DDX19A: variants seen among roughly 807,000 people sequenced by gnomAD.
DDX19A encodes ATP-dependent RNA helicase DDX19A.
In DDX19A, 12 loss-of-function variants were observed where a neutral mutation model predicts 60.6. The observed-to-expected ratio is 0.20, with a 90% CI of 0.13 to 0.32. The LOEUF (loss-of-function observed/expected upper bound fraction) is 0.32, where lower values mean the gene tolerates loss of function less well. Among genes scored for constraint, DDX19A ranks in the 10% least tolerant of loss-of-function variants. The probability of loss-of-function intolerance (pLI) is 1.00; values close to 1 mark genes in which losing one functional copy is unlikely to be tolerated. For synonymous variants in DDX19A, 206 were observed against 218.2 expected (o/e 0.94, Z 0.49); for missense variants, 337 against 600.6 (o/e 0.56, Z 4.59).
chr16:70,346,995 G>A lies in DDX19A; in HGVS notation c.4G>A (p.Ala2Thr), dbSNP rs1446282217. The change falls in exon 1 of 12, where the codon GCC becomes ACC. Residue 2 changes from alanine (A) to threonine (T), a missense_variant. Ala to Thr is a moderately conservative substitution (Grantham distance 58, BLOSUM62 0). Coordinates refer to ENST00000302243, the MANE Select transcript of DDX19A (RefSeq NM_018332.5). MATDSWALAVDE... is the reference protein window; with the variant it reads MTTDSWALAVDE... ...TGGGTCTCCCTTGTCCGGGACTATG[G>A]CCACCGACTCGTGGGCCCTGGCGGT... The A allele has an allele frequency of 7.4e-6, 12 of 1,612,378 alleles. No individual in the cohort carries two copies. Among genetic ancestry groups the A allele is most frequent in the Non-Finnish European group, 9.3e-6 (11 of 1,179,734 alleles).
intron 2 of DDX19A, among the ~76,000 whole-genome samples, chr16:70,353,885 AGT>A (rs1044984543): frequency 7.0e-6 from 1 of 141,884 alleles, no homozygotes; most frequent in Non-Finnish European, 1.5e-5. Flanking sequence ...TGGGCAACAG[AGT>A]GAGACTCTGT....
chr16:70,359,506 T>C (rs986520052), intron 4 of DDX19A, among the ~76,000 whole-genome samples: 1 of 152,168 alleles, frequency 6.6e-6, no homozygotes, highest in Non-Finnish European at 1.5e-5. Flanking sequence ...AGAGAGCTGA[T>C]TGTAAATGCA....
chr16:70,357,277 AT>A, intron 4 of DDX19A, among the ~76,000 whole-genome samples: 1 of 137,218 alleles, frequency 7.3e-6, no homozygotes. Flanking sequence ...AAAAATATAT[AT>A]ATATATATAT....
chr16:70,347,333 C>G (rs1963864667), intron 1 of DDX19A: 1 of 482,930 alleles, frequency 2.1e-6, no homozygotes, highest in Admixed American at 3.7e-5. Context: ...TAAGGAAAGC[C>G]AAGTTTAGAT....
intron 4 of DDX19A, among the ~76,000 whole-genome samples, chr16:70,356,577 T>G (rs1158862630): frequency 1.3e-5 from 2 of 151,966 alleles, no homozygotes; most frequent in African/African-American, 4.8e-5. Flanking sequence ...AGGCTGGTCT[T>G]GAACTCCTGA....
In DDX19A at chr16:70,364,634, A is replaced by C; in HGVS notation, c.478A>C (p.Arg160=). The part of the protein sequence containing the change: ...AMLSRVEPSD[R]YPQCLCLSPT... The stretch of plus-strand genomic sequence containing the variant: ...GCTCAGCCGAGTGGAGCCATCAGAC[A>C]GATACCCCCAGGTGAGGGCTTGCGG... Residue 160 remains arginine, a synonymous_variant, in exon 6 of 12, where the codon AGA becomes CGA. Coordinates refer to ENST00000302243, the MANE Select transcript of DDX19A (RefSeq NM_018332.5). 1 of 1,614,094 alleles carries C rather than the reference A, an allele frequency of 6.2e-7. No individual in the cohort carries two copies. Among genetic ancestry groups the C allele is most frequent in the Non-Finnish European group, 8.5e-7 (1 of 1,179,920 alleles).
At chr16:70,348,959 G>A (rs1963934255) in intron 1 of DDX19A, among the ~76,000 whole-genome samples, 1 of 151,942 alleles carries the variant, frequency 6.6e-6, no homozygotes, top group African/African-American at 2.4e-5. Context: ...AAGAAAAAAG[G>A]GAATGGTGAG....
intron 7 of DDX19A, 111 bp downstream of exon 7, chr16:70,365,242 C>A: frequency 1.5e-6 from 1 of 684,142 alleles, no homozygotes; most frequent in Non-Finnish European, 2.6e-6. Context: ...GACCCTGGAG[C>A]CTAACTGTGT....
chr16:70,371,104 T>G, intron 10 of DDX19A: 1 of 601,644 alleles, frequency 1.7e-6, no homozygotes, highest in Non-Finnish European at 2.9e-6. Context: ...GAGCCTACTC[T>G]TCCAGGGGCG....
chr16:70,365,979 C>G, intron 7 of DDX19A, 106 bp from the exon 8 acceptor site: 1 of 1,545,544 alleles, frequency 6.5e-7, no homozygotes. Context: ...GTTTTGAAAT[C>G]TGGAAATAAC....
At chr16:70,355,606 C>T in intron 3 of DDX19A, 71 bp downstream of exon 3, 1 of 1,191,154 alleles carries the variant, frequency 8.4e-7, no homozygotes, top group Non-Finnish European at 1.3e-6. Context: ...GCCAGGGGCA[C>T]TCCAAGCTAC....
At chr16:70,362,015 A>T (rs1009920480) in intron 5 of DDX19A, among the ~76,000 whole-genome samples, 45 of 150,992 alleles carry the variant, frequency 3.0e-4, no homozygotes, top group African/African-American at 9.9e-4. Flanking sequence ...ACTAAAATCA[A>T]AAAAAAAAAA....
chr16:70,371,241 T>C, intron 10 of DDX19A, 131 bp from the exon 11 acceptor site: 1 of 1,522,206 alleles, frequency 6.6e-7, no homozygotes, highest in Non-Finnish European at 9.0e-7. Context: ...CCCTCTCTTG[T>C]ACCCAGAGTT....
intron 4 of DDX19A, among the ~76,000 whole-genome samples, chr16:70,357,638 C>G (rs890198703): frequency 6.6e-6 from 1 of 151,812 alleles, no homozygotes; most frequent in African/African-American, 2.4e-5. Flanking sequence ...CCCGCCTCGG[C>G]CTCCCAAAGT....
At chr16:70,351,594 G>A (rs1046595520) in intron 2 of DDX19A, among the ~76,000 whole-genome samples, 10 of 150,730 alleles carry the variant, frequency 6.6e-5, no homozygotes, top group Non-Finnish European at 1.3e-4. Context: ...GTGTGATCTC[G>A]GCTTACTGCA....
intron 2 of DDX19A, among the ~76,000 whole-genome samples, chr16:70,351,245 G>A (rs111655532): frequency 2.6e-5 from 4 of 151,198 alleles, no homozygotes; most frequent in African/African-American, 4.9e-5. Flanking sequence ...TCACTCTGTC[G>A]TGCAGGCTAG....
In DDX19A at chr16:70,350,365, C is replaced by T. The variant is rs558323535; in HGVS notation, c.58-192C>T. On this transcript the variant is annotated intron_variant, in intron 1 of 11. Coordinates refer to ENST00000302243, the MANE Select transcript of DDX19A (RefSeq NM_018332.5). ...GTCCACCCCTCCCCTTGTTTTAAGG[C>T]TGTTGAAGATATTTGAAATGATGGT... Among the ~76,000 whole-genome samples, 10 of 152,246 alleles carry T rather than the reference C, an allele frequency of 6.6e-5. No homozygotes were observed. The South Asian group carries it at 2.1e-3, about 32-fold the overall frequency.
intron 9 of DDX19A, among the ~76,000 whole-genome samples, chr16:70,369,841 G>T (rs1400340822): frequency 6.6e-6 from 1 of 151,910 alleles, no homozygotes; most frequent in Non-Finnish European, 1.5e-5. Context: ...GAACTCCTGA[G>T]TTCAAGCGAT....
chr16:70,356,792 AT>A (rs986419634), intron 4 of DDX19A: 25 of 971,552 alleles, frequency 2.6e-5, no homozygotes, highest in Non-Finnish European at 3.2e-5. Context: ...GAATTTTTTA[AT>A]GCTTCAAATT....
Sources: allele counts gnomAD v4.1 joint callset (sites outside exome capture counted in the v4.1 genomes callset), GRCh38; gene constraint gnomAD v4.1.1; transcripts MANE v1.5; gene names NCBI Gene and HGNC (gene_info 2026-07-23, HGNC 2026-07-21).